Variants in CMKLR2 observed in about 807,000 individuals in gnomAD.
CMKLR2 encodes the protein chemerin-like receptor 2.
Under a neutral mutation model 23.0 loss-of-function variants are expected in CMKLR2, and 18 were observed. The ratio of observed to expected loss-of-function variants is 0.78; its 90% CI spans 0.54 to 1.16. The LOEUF is 1.16. Among genes scored for constraint, CMKLR2 ranks in the 50% most tolerant of loss-of-function variants. CMKLR2 has a pLI of 0.00. For synonymous variants in CMKLR2, 158 were observed against 158.9 expected, an observed-to-expected ratio of 0.99 and a Z score of 0.05; for missense variants, 401 against 412.7, an observed-to-expected ratio of 0.97 and a Z score of 0.25.
At chr2:206,216,044 G>A (rs1477345880), upstream of CMKLR2, among the ~76,000 whole-genome samples, 1 of 152,180 alleles carries the variant, frequency 6.6e-6, no homozygotes, top group Non-Finnish European at 1.5e-5. Context: ...CTTCTGCCAG[G>A]TAGAAGGATT....
At chr2:206,199,163 C>T (rs1439348826) in intron 1 of CMKLR2, among the ~76,000 whole-genome samples, 2 of 152,050 alleles carry the variant, frequency 1.3e-5, no homozygotes, top group African/African-American at 4.8e-5. Context: ...TTGGGAGGCC[C>T]AGGTGGGCAG....
At chr2:206,194,297 C>T (rs1203839399) in intron 1 of CMKLR2, among the ~76,000 whole-genome samples, 2 of 152,052 alleles carry the variant, frequency 1.3e-5, no homozygotes, top group East Asian at 3.9e-4. Context: ...ATATTTGTGC[C>T]TTTTTTTCTC....
At chr2:206,184,541 C>T (rs988708983) in intron 1 of CMKLR2, among the ~76,000 whole-genome samples, 77 of 152,016 alleles carry the variant, frequency 5.1e-4, no homozygotes, top group African/African-American at 1.8e-3. Flanking sequence ...GTGATCCAGC[C>T]GCCTCGGCCT....
At chr2:206,209,725 T>C (rs1432220267) in intron 1 of CMKLR2, among the ~76,000 whole-genome samples, 53 of 150,624 alleles carry the variant, frequency 3.5e-4, no homozygotes, top group African/African-American at 1.2e-3. Flanking sequence ...CTCGGCTCAC[T>C]GCAAGCTCCG....
upstream of CMKLR2, among the ~76,000 whole-genome samples, chr2:206,215,476 A>G (rs1258327450): frequency 2.6e-5 from 4 of 152,218 alleles, no homozygotes; most frequent in Non-Finnish European, 4.4e-5. Flanking sequence ...GAGAAATGAC[A>G]TTGATCAAGG....
intron 1 of CMKLR2, among the ~76,000 whole-genome samples, chr2:206,212,146 C>T (rs994148873): frequency 6.6e-6 from 1 of 152,068 alleles, no homozygotes; most frequent in Non-Finnish European, 1.5e-5. Flanking sequence ...TTATTTTTTA[C>T]ATGATTATCA....
At chr2:206,206,928 T>TTC (rs1689345199) in intron 1 of CMKLR2, among the ~76,000 whole-genome samples, 3 of 150,710 alleles carry the variant, frequency 2.0e-5, no homozygotes, top group South Asian at 2.1e-4. Context: ...TTTTTTTTTT[T>TTC]TTTTTTTAAT....
chr2:206,204,813 G>A (rs1272259519), intron 1 of CMKLR2, among the ~76,000 whole-genome samples: 1 of 152,154 alleles, frequency 6.6e-6, no homozygotes, highest in Non-Finnish European at 1.5e-5. Context: ...CAAAATAATG[G>A]TTTCCTGCTG....
chr2:206,188,287 G>T (rs934246828), intron 1 of CMKLR2, among the ~76,000 whole-genome samples: 2 of 152,136 alleles, frequency 1.3e-5, no homozygotes, highest in African/African-American at 4.8e-5. Context: ...AAACACGCAG[G>T]ATCAAGTGGT....
At chr2:206,199,671 C>T (rs948090045) in intron 1 of CMKLR2, among the ~76,000 whole-genome samples, 9 of 151,668 alleles carry the variant, frequency 5.9e-5, no homozygotes, top group Non-Finnish European at 1.0e-4. Context: ...TCTCAGCTCA[C>T]TGCAACCTCT....
intron 1 of CMKLR2, among the ~76,000 whole-genome samples, chr2:206,179,894 T>C (rs1231231814): frequency 6.6e-6 from 1 of 152,162 alleles, no homozygotes; most frequent in Non-Finnish European, 1.5e-5. Flanking sequence ...CAAAACATCC[T>C]GTGTTGCTCA....
rs140409125 is a variant in CMKLR2, at chr2:206,177,003, G to A, written c.245C>T (p.Ala82Val). The A allele has an allele frequency of 4.3e-6, 7 of 1,613,982 alleles. No homozygotes were observed. The highest frequency in any genetic ancestry group is 4.0e-5 in the African/African-American group (3 of 74,910). Reference sequence around the variant, plus strand: ...CAGAAAGAGAAGAAAAATGAAATCCGCAATGGCTAGATTGAGGAACCACAG... The same window carrying A: ...CAGAAAGAGAAGAAAAATGAAATCCACAATGGCTAGATTGAGGAACCACAG... ...TTLWFLNLAI[A>V]DFIFLLFLPL... The change falls in exon 2 of 2, where the codon GCG (alanine) becomes GTG (valine). Residue 82 changes from alanine to valine, a missense_variant. Ala to Val is a moderately conservative substitution (Grantham distance 64, BLOSUM62 0). Coordinates refer to ENST00000621141, the MANE Select transcript of CMKLR2 (RefSeq NM_001389445.1).
intron 1 of CMKLR2, among the ~76,000 whole-genome samples, chr2:206,179,551 G>T (rs1306289344): frequency 6.7e-6 from 1 of 148,822 alleles, no homozygotes; most frequent in African/African-American, 2.5e-5. Context: ...GGATGGTCTC[G>T]ATCTCTTGAC....
intron 1 of CMKLR2, among the ~76,000 whole-genome samples, chr2:206,186,575 C>T (rs1688587297): frequency 6.6e-6 from 1 of 152,108 alleles, no homozygotes; most frequent in Non-Finnish European, 1.5e-5. Flanking sequence ...ATGGTTATGG[C>T]TTCAGAAGCT....
intron 1 of CMKLR2, among the ~76,000 whole-genome samples, chr2:206,185,444 A>T (rs1688549332): frequency 6.6e-6 from 1 of 152,248 alleles, no homozygotes; most frequent in Non-Finnish European, 1.5e-5. Context: ...TCTAGAAGCA[A>T]TAAGGATGCC....
At chr2:206,182,027 C>T (rs1688431947) in intron 1 of CMKLR2, among the ~76,000 whole-genome samples, 1 of 150,284 alleles carries the variant, frequency 6.7e-6, no homozygotes, top group South Asian at 2.1e-4. Flanking sequence ...GGAAGTGGAC[C>T]ATCATAAAGG....
At chr2:206,184,058 C>T (rs1688496861) in intron 1 of CMKLR2, among the ~76,000 whole-genome samples, 1 of 152,182 alleles carries the variant, frequency 6.6e-6, no homozygotes, top group Admixed American at 6.5e-5. Context: ...TGTCCTGGAA[C>T]ATCTTTTCCA....
At chr2:206,212,305 G>A (rs578238288) in intron 1 of CMKLR2, among the ~76,000 whole-genome samples, 1 of 151,590 alleles carries the variant, frequency 6.6e-6, no homozygotes, top group East Asian at 1.9e-4. Flanking sequence ...TAATAATCTA[G>A]TGTCTGGAAG....
At chr2:206,186,384 T>G (rs561619260) in intron 1 of CMKLR2, among the ~76,000 whole-genome samples, 1 of 152,254 alleles carries the variant, frequency 6.6e-6, no homozygotes, top group South Asian at 2.1e-4. Flanking sequence ...GTGCTGAGAT[T>G]ACAGGTGTGA....
Sources: gnomAD v4.1 joint callset for allele counts (sites outside exome capture counted in the v4.1 genomes callset) on GRCh38, gnomAD v4.1.1 for gene constraint, MANE v1.5 for transcripts, NCBI Gene and HGNC (gene_info 2026-07-23, HGNC 2026-07-21) for gene names.